The following SIGLEC1 variants were observed in gnomAD, a reference collection of about 807,000 sequenced individuals.
The protein encoded by SIGLEC1 is sialic acid binding Ig like lectin 1, also known as sialoadhesin.
In SIGLEC1, 132 loss-of-function variants were observed where a neutral mutation model predicts 148.0. The observed-to-expected ratio is 0.89, with a 90% CI of 0.77 to 1.03. The LOEUF is 1.03. Ranked by LOEUF, SIGLEC1 falls within the 50% of genes least tolerant of loss-of-function variation. The pLI is 0.00. For missense variants in SIGLEC1, 2,253 were observed against 2,271.4 expected (o/e 0.99, Z 0.16); for synonymous variants, 945 against 969.0 (o/e 0.98, Z 0.46).
chr20:3,711,446 A>G (rs1442553385), intron 1 of SIGLEC1, among the ~76,000 whole-genome samples: 1 of 152,122 alleles, frequency 6.6e-6, no homozygotes, highest in Non-Finnish European at 1.5e-5. Context: ...CTGGGGAAGA[A>G]AGGGCAGAGG....
At chr20:3,689,327 G>A (rs1023634161) in intron 20 of SIGLEC1, 100 bp from the exon 21 acceptor site, 22 of 1,050,978 alleles carry the variant, frequency 2.1e-5, no homozygotes, top group Middle Eastern at 5.1e-4. Flanking sequence ...CCACAAGAGC[G>A]TGGGAACCTC....
chr20:3,707,081 T>A lies in SIGLEC1; in HGVS notation c.48A>T (p.Ala16=). ...KLLLLASFFP[A]GQASWGVSSP... is the part of the protein sequence containing the mutation. Reference sequence around the variant, plus strand: ...AGGCACTAGGCCCGCAAAGCTTACCTGCTGGGAAGAATGAGGCCAGGAGGA... The same window carrying A: ...AGGCACTAGGCCCGCAAAGCTTACCAGCTGGGAAGAATGAGGCCAGGAGGA... The change falls in exon 2 of 22, where the codon GCA becomes GCT. Residue 16 remains alanine, a splice_region_variant and synonymous_variant. Transcript: ENST00000344754. 6.2e-7 allele frequency: 1 copy of A among 1,614,060 alleles called. No homozygotes were observed. The highest frequency in any genetic ancestry group is 8.5e-7 in the Non-Finnish European group (1 of 1,179,938).
Position 3,701,372 on chromosome 20 carries a change from C to A in SIGLEC1, c.1498G>T (p.Ala500Ser). 1.2e-6 allele frequency: 2 copies of A among 1,613,374 alleles called. No individual in the cohort carries two copies. Among genetic ancestry groups the A allele is most frequent in the South Asian group, 2.2e-5 (2 of 90,960 alleles). ...KCSATNSLGN[A>S]TSTLDFHANA... is the part of the protein sequence containing the mutation. The stretch of plus-strand genomic sequence containing the variant: ...GCATGGAAGTCCAGGGTGGAGGTTG[C>A]ATTTCCAAGGGAGTTGGTGGCTGAG... Residue 500 changes from alanine to serine, a missense_variant, in exon 7 of 22, where the codon GCA (alanine) becomes TCA (serine). Ala to Ser is a moderately conservative substitution (Grantham distance 99, BLOSUM62 1). Coordinates refer to ENST00000344754, the MANE Select transcript of SIGLEC1 (RefSeq NM_023068.4).
In SIGLEC1 at chr20:3,691,595, G is replaced by A. The variant is rs755454001; in HGVS notation, c.4336C>T (p.Arg1446Cys). The change falls in exon 18 of 22, where the codon CGC becomes TGC. Residue 1446 changes from arginine to cysteine, a missense_variant. By Grantham distance (180) the Arg-to-Cys change is radical. Transcript: ENST00000344754. ...TCCAGGCCAGGCTCTGCCACCACGC[G>A]TGCACCTGCGGGCGGAGGATAGAGA... ...TIGRLQVEGA[R>C]VVAEPGLDVP... is the part of the protein sequence containing the mutation. 122 of 1,611,528 alleles carry A rather than the reference G, an allele frequency of 7.6e-5. No individual in the cohort carries two copies. Among genetic ancestry groups the A allele is most frequent in the Admixed American group, 2.3e-4 (14 of 59,970 alleles).
rs1238693415 is a variant in SIGLEC1, at chr20:3,688,074, TA to T, written c.*485del. On this transcript the variant is annotated 3_prime_UTR_variant, in exon 22 of 22. Coordinates refer to ENST00000344754, the MANE Select transcript of SIGLEC1 (RefSeq NM_023068.4). ...TGAGCCCCAACATCATAAACCATCG[TA>T]ACAGCCAGACTAGCGTGGGAGAGAA... 3 of 182,232 alleles carry T rather than the reference TA, an allele frequency of 1.6e-5. No individual in the cohort carries two copies. Among genetic ancestry groups the T allele is most frequent in the African/African-American group, 7.2e-5 (3 of 41,670 alleles). 11.3% of individuals were successfully genotyped at this position (182,232 alleles called of 1,614,324 possible).
chr20:3,700,279 G>A (rs931942290), intron 7 of SIGLEC1, among the ~76,000 whole-genome samples: 9 of 151,514 alleles, frequency 5.9e-5, no homozygotes, highest in Middle Eastern at 3.4e-3. Flanking sequence ...CACCACACCC[G>A]GCTAATTTTT....
At chr20:3,691,150 G>T (rs2088756326) in intron 18 of SIGLEC1, among the ~76,000 whole-genome samples, 190 bp downstream of exon 18, 2 of 152,160 alleles carry the variant, frequency 1.3e-5, no homozygotes, top group South Asian at 2.1e-4. Context: ...TATACAACTT[G>T]CAGGATGAGG....
chr20:3,692,696 A>G lies in SIGLEC1; in HGVS notation c.3855T>C (p.Ala1285=). ...APITVTCADP[A]AHAPTLYTWY... ...AAGTATAGAGTGTGGGTGCGTGGGC[A>G]GCAGGGTCCGCACAGGTCACTGTGA... The change falls in exon 16 of 22, where the codon GCT becomes GCC. Residue 1285 remains alanine (A), a synonymous_variant. Coordinates refer to ENST00000344754, the MANE Select transcript of SIGLEC1 (RefSeq NM_023068.4). 1 of 1,613,032 alleles carries G rather than the reference A, an allele frequency of 6.2e-7. No homozygotes were observed. The highest frequency in any genetic ancestry group is 1.1e-5 in the South Asian group (1 of 91,090).
rs147382787 is a variant in SIGLEC1, at chr20:3,697,815, G to T, written c.2105C>A (p.Ala702Asp). The change falls in exon 9 of 22, where the codon GCC (alanine) becomes GAC (aspartate). Residue 702 changes from alanine (A) to aspartate (D), a missense_variant. Ala to Asp is a moderately radical substitution (Grantham distance 126, BLOSUM62 -2). Transcript: ENST00000344754. ...TGACTCACCCTGGCCATTGAAGGTG[G>T]CTGAGGTGGAGGCGTTGCCCAGGGC... is the stretch of plus-strand genomic sequence containing the variant. ...SNALGNASTSATFNGQATVLA... is the reference protein window; with the variant it reads ...SNALGNASTSDTFNGQATVLA... 229 of 1,612,788 alleles carry T rather than the reference G, an allele frequency of 1.4e-4. No homozygotes were observed. In the African/African-American group the frequency reaches 2.8e-3, roughly 20 times the overall value.
chr20:3,694,889 G>T lies in SIGLEC1; in HGVS notation c.2718C>A (p.Leu906=), dbSNP rs1964204608. 1 of 1,612,950 alleles carries T rather than the reference G, an allele frequency of 6.2e-7. No homozygotes were observed. Among genetic ancestry groups the T allele is most frequent in the African/African-American group, 1.3e-5 (1 of 74,924 alleles). Residue 906 remains leucine, a synonymous_variant, in exon 12 of 22, where the codon CTC becomes CTA. Transcript: ENST00000344754. ...TCAGGACCACAGCCTGGCCCTCTTG[G>T]AGCTCAGGTGATGGTGACACCTGGA... is the stretch of plus-strand genomic sequence containing the variant. ...AWVQVSPSPE[L]QEGQAVVLSC...
Position 3,703,436 on chromosome 20 carries a change from A to C in SIGLEC1, c.989T>G (p.Val330Gly). The C allele has an allele frequency of 6.4e-7, 1 of 1,574,254 alleles. No individual in the cohort carries two copies. The highest frequency in any genetic ancestry group is 8.6e-7 in the Non-Finnish European group (1 of 1,157,882). Residue 330 changes from valine (V) to glycine (G), a missense_variant, in exon 6 of 22, where the codon GTG becomes GGG. Val to Gly is a moderately radical substitution (Grantham distance 109). Coordinates refer to ENST00000344754, the MANE Select transcript of SIGLEC1 (RefSeq NM_023068.4). ...CTCCAGGATGGGACCTGCTGGGCTC[A>C]CCTGGACCTCAGCCACTGCAAGGGC... ...SLHIFMAEVQ[V>G]SPAGPILENQ...
At chr20:3,711,062 C>T (rs2087925837) in intron 1 of SIGLEC1, among the ~76,000 whole-genome samples, 1 of 152,218 alleles carries the variant, frequency 6.6e-6, no homozygotes, top group African/African-American at 2.4e-5. Flanking sequence ...CTAGTGAGCA[C>T]GCAGCGCCCC....
Position 3,694,307 on chromosome 20 carries a change from GC to G in SIGLEC1, c.3169del (p.Ala1057LeufsTer31). The G allele has an allele frequency of 3.1e-6, 5 of 1,613,032 alleles. No individual in the cohort carries two copies. Among genetic ancestry groups the G allele is most frequent in the Non-Finnish European group, 4.2e-6 (5 of 1,180,008 alleles). On this transcript the variant is annotated frameshift_variant, in exon 13 of 22. Transcript: ENST00000344754. LOFTEE classifies it high-confidence loss of function. Reference sequence around the variant, plus strand: ...ATAGACACCCTCATCCTCCAGCATAGCCCCGTGGATCTCCAGACGCAGTGTG... The same window carrying G: ...ATAGACACCCTCATCCTCCAGCATAGCCCGTGGATCTCCAGACGCAGTGTG... ...PNTLRLEIHG[A>X]MLEDEGVYIC...
rs2087807462 is a variant in SIGLEC1 at position 3,697,070 on chromosome 20, A to G, written c.2380+15T>C. 1 of 1,504,978 alleles carries G rather than the reference A, an allele frequency of 6.6e-7. No homozygotes were observed. The highest frequency in any genetic ancestry group is 1.5e-5 in the African/African-American group (1 of 67,186). 93.2% of individuals were successfully genotyped at this position (1,504,978 alleles called of 1,614,324 possible). On this transcript the variant is annotated intron_variant, in intron 10 of 21. Transcript: ENST00000344754. ...CACCCTCCAAGTCCCCAGGCTGCCC[A>G]TGCCAGTCACCCACAGAGTACACTC...
chr20:3,700,949 T>C (rs1453001727), intron 7 of SIGLEC1, among the ~76,000 whole-genome samples: 3 of 152,112 alleles, frequency 2.0e-5, no homozygotes, highest in African/African-American at 7.2e-5. Flanking sequence ...TCCACCCACC[T>C]CGGCCTCCCA....
chr20:3,691,205 C>T (rs1032226939), intron 18 of SIGLEC1, 135 bp downstream of exon 18: 15 of 1,061,394 alleles, frequency 1.4e-5, no homozygotes, highest in Admixed American at 4.4e-5. Context: ...AACCAGACAG[C>T]GGGAGAGCCA....
At chr20:3,695,840 A>C (rs988319121) in intron 11 of SIGLEC1, among the ~76,000 whole-genome samples, 1 of 150,756 alleles carries the variant, frequency 6.6e-6, no homozygotes, top group Non-Finnish European at 1.5e-5. Flanking sequence ...TTTAAGACAG[A>C]GTCTCACTCT....
Position 3,693,682 on chromosome 20 carries a change from C to A in SIGLEC1, c.3273G>T (p.Val1091=). The change falls in exon 14 of 22, where the codon GTG becomes GTT. Residue 1091 remains valine, a synonymous_variant. Transcript: ENST00000344754. The part of the protein sequence containing the change: ...DFDAQAVNVQ[V]WPGATVREGQ... ...CCTCCCGCACGGTAGCCCCGGGCCACACCTGCACATTCACAGCTGGGGAGA... is the reference window on the plus strand; with the variant it reads ...CCTCCCGCACGGTAGCCCCGGGCCAAACCTGCACATTCACAGCTGGGGAGA... The A allele has an allele frequency of 6.3e-7, 1 of 1,589,900 alleles. No homozygotes were observed. Among genetic ancestry groups the A allele is most frequent in the Admixed American group, 1.7e-5 (1 of 58,780 alleles).
rs769459794 is a variant in SIGLEC1, at chr20:3,693,613, C to G, written c.3342G>C (p.Pro1114=). Reference sequence around the variant, plus strand: ...GGTACCATGTGTAGGTGAGCTGGGCCGGGTGAGTGGTCCACACAAGGCAGG... The same window carrying G: ...GGTACCATGTGTAGGTGAGCTGGGCGGGGTGAGTGGTCCACACAAGGCAGG... ...NLTCLVWTTH[P]AQLTYTWYQD... Residue 1114 remains proline (P), a synonymous_variant, in exon 14 of 22, where the codon CCG becomes CCC. Coordinates refer to ENST00000344754, the MANE Select transcript of SIGLEC1 (RefSeq NM_023068.4). 49 of 1,612,542 alleles carry G rather than the reference C, an allele frequency of 3.0e-5. No individual in the cohort carries two copies. The highest frequency in any genetic ancestry group is 4.2e-5 in the Non-Finnish European group (49 of 1,179,632).
Sources: allele counts gnomAD v4.1 joint callset (sites outside exome capture counted in the v4.1 genomes callset), GRCh38; gene constraint gnomAD v4.1.1; transcripts MANE v1.5; gene names NCBI Gene and HGNC (gene_info 2026-07-23, HGNC 2026-07-21).